The following TTYH2 variants were observed in gnomAD, a reference collection of about 807,000 sequenced individuals.
TTYH2 encodes the protein protein tweety homolog 2.
Under a neutral mutation model 68.3 loss-of-function variants are expected in TTYH2, and 49 were observed. The ratio of observed to expected loss-of-function variants is 0.72; its 90% confidence interval spans 0.57 to 0.91. The LOEUF is 0.91. Among genes scored for constraint, TTYH2 ranks in the 40% least tolerant of loss-of-function variants. TTYH2 has a pLI of 0.00. For missense variants in TTYH2, 631 were observed against 700.4 expected (o/e 0.90, Z 1.12); for synonymous variants, 272 against 300.8 (o/e 0.90, Z 0.99).
At chr17:74,260,009 C>A in intron 13 of TTYH2, 120 bp from the exon 14 acceptor site, 1 of 818,818 alleles carries the variant, frequency 1.2e-6, no homozygotes, top group South Asian at 1.4e-5. Flanking sequence ...GGGGTGGAGG[C>A]ACGGCCGGGT....
intron 2 of TTYH2, among the ~76,000 whole-genome samples, chr17:74,226,551 A>G (rs2050332231): frequency 6.6e-6 from 1 of 152,092 alleles, no homozygotes. Flanking sequence ...GGTGTGAGTT[A>G]TGGGAGGGGC....
At chr17:74,230,785 CAGGCA>C (rs2050380149) in intron 2 of TTYH2, 98 bp from the exon 3 acceptor site, 4 of 1,140,878 alleles carry the variant, frequency 3.5e-6, no homozygotes, top group Non-Finnish European at 3.7e-6. Flanking sequence ...GCTGGGATTA[CAGGCA>C]TGAGCCACCG....
chr17:74,238,466 A>G (rs991749520), intron 4 of TTYH2, among the ~76,000 whole-genome samples: 1 of 151,904 alleles, frequency 6.6e-6, no homozygotes, highest in Non-Finnish European at 1.5e-5. Context: ...TGGTGTGATC[A>G]TGGCTCATTG....
chr17:74,241,296 T>TGTGTGTGTGTGCGC lies in TTYH2; in HGVS notation c.636-2077_636-2076insTGTGTGTGTGCGCG, dbSNP rs59096145. ...GTGTGTGTGTGTGTGTGTGTGTGTGTGCGTGTAAAAATAAGAATGTGATCC... is the reference window on the plus strand; with the variant it reads ...GTGTGTGTGTGTGTGTGTGTGTGTGTGTGTGTGTGTGCGCGCGTGTAAAAATAAGAATGTGATCC... On this transcript the variant is annotated intron_variant, in intron 4 of 13. Coordinates refer to ENST00000269346, the MANE Select transcript of TTYH2 (RefSeq NM_032646.6). This position sits in a 1 kb window ranked among gnomAD's most constrained non-coding sequence, Gnocchi z 4.1. Among the ~76,000 whole-genome samples the TGTGTGTGTGTGCGC allele has an allele frequency of 1.6e-4, 24 of 146,370 alleles. No homozygotes were observed. The highest frequency in any genetic ancestry group is 5.8e-4 in the African/African-American group (23 of 39,768).
rs554723426 is a variant in TTYH2, at chr17:74,258,334, C to T, written c.1525-1795C>T. On this transcript the variant is annotated intron_variant, in intron 13 of 13. Transcript: ENST00000269346. ...AGGCTGGAGTGCAGTGGCATAATCT[C>T]GGCTCACTGCAACCTCCGCTCCCCA... Among the ~76,000 whole-genome samples, 21 of 151,762 alleles carry T rather than the reference C, an allele frequency of 1.4e-4. 1 individual carries two copies. In the South Asian group the frequency reaches 3.8e-3, roughly 27 times the overall value.
At position 74,260,806 on chromosome 17, in the gene TTYH2, G is replaced by C. The variant is rs2050742600; in HGVS notation, c.*597G>C. Reference sequence around the variant, plus strand: ...GCCACAGAGGGGAGGCATCAGGAAAGCTCTGCAGTGGGGGGCTGGTGGCTC... The same window carrying C: ...GCCACAGAGGGGAGGCATCAGGAAACCTCTGCAGTGGGGGGCTGGTGGCTC... On this transcript the variant is annotated 3_prime_UTR_variant, in exon 14 of 14. Coordinates refer to ENST00000269346, the MANE Select transcript of TTYH2 (RefSeq NM_032646.6). The C allele has an allele frequency of 6.5e-6, 1 of 154,388 alleles. No individual in the cohort carries two copies. 9.6% of individuals were successfully genotyped at this position (154,388 alleles called of 1,614,324 possible).
intron 1 of TTYH2, among the ~76,000 whole-genome samples, chr17:74,221,843 G>T (rs747214687): frequency 1.3e-5 from 2 of 152,058 alleles, no homozygotes; most frequent in Non-Finnish European, 2.9e-5. Flanking sequence ...TGACTATCCC[G>T]CCCCCTCACA....
At chr17:74,243,942 C>T in intron 5 of TTYH2, 35 bp from the exon 6 acceptor site, 1 of 1,604,032 alleles carries the variant, frequency 6.2e-7, no homozygotes. Context: ...GAAGGGGACC[C>T]CGCCTGCCAA....
rs150760865 is a variant in TTYH2, at chr17:74,239,749, G to A, written c.635+2235G>A. Among the ~76,000 whole-genome samples, 1,471 of 152,312 alleles carry A rather than the reference G, an allele frequency of 9.7e-3. 12 individuals carry two copies. The highest frequency in any genetic ancestry group is 0.015 in the Non-Finnish European group (1,031 of 68,032). On this transcript the variant is annotated intron_variant, in intron 4 of 13. Coordinates refer to ENST00000269346, the MANE Select transcript of TTYH2 (RefSeq NM_032646.6). The surrounding 1 kb of genome is among the most constrained non-coding windows in gnomAD (Gnocchi z 5.3). ...CAGATGGATGCTCATGGGCAAAAGAGCCTCCCTCCCAAGGGACAGAAGGAA... is the reference window on the plus strand; with the variant it reads ...CAGATGGATGCTCATGGGCAAAAGAACCTCCCTCCCAAGGGACAGAAGGAA...
chr17:74,222,484 G>T lies in TTYH2; in HGVS notation c.130-1G>T. The stretch of plus-strand genomic sequence containing the variant: ...GACAACAGGCCTCTGCTCTCTTCCA[G>T]TCGCTGCTGTTCCTGGGGCTGGTGG... On this transcript the variant is annotated splice_acceptor_variant, in intron 1 of 13. Transcript: ENST00000269346. LOFTEE classifies it high-confidence loss of function. The surrounding 1 kb of genome is among the most constrained non-coding windows in gnomAD (Gnocchi z 5.2). 1 of 1,607,892 alleles carries T rather than the reference G, an allele frequency of 6.2e-7. No homozygotes were observed.
chr17:74,231,746 T>C (rs1393334257), intron 3 of TTYH2, among the ~76,000 whole-genome samples: 1 of 151,930 alleles, frequency 6.6e-6, no homozygotes, highest in Admixed American at 6.6e-5. Context: ...CCCCAGCTCC[T>C]CGGAGCTCTG....
chr17:74,249,239 TG>T (rs1444771519), intron 7 of TTYH2, 104 bp from the exon 8 acceptor site: 1 of 1,565,290 alleles, frequency 6.4e-7, no homozygotes, highest in Admixed American at 1.7e-5. Context: ...GTGCCTCCCT[TG>T]GGAGCTCAGG....
In TTYH2 at chr17:74,214,907, A is replaced by G. The variant is rs1297739999; in HGVS notation, c.129+1191A>G. 6.6e-6 allele frequency among the ~76,000 whole-genome samples: 1 copy of G among 152,150 alleles called. No individual in the cohort carries two copies. The highest frequency in any genetic ancestry group is 1.5e-5 in the Non-Finnish European group (1 of 68,024). ...AGCGCCAGTGACAGGGAGTCTAATA[A>G]TAACCCCTGACGACCCGGCTGCCAT... On this transcript the variant is annotated intron_variant, in intron 1 of 13. Transcript: ENST00000269346. This position sits in a 1 kb window ranked among gnomAD's most constrained non-coding sequence, Gnocchi z 4.6.
At chr17:74,253,732 G>A (rs768139187) in intron 12 of TTYH2, 23 bp from the exon 13 acceptor site, 3 of 1,613,162 alleles carry the variant, frequency 1.9e-6, no homozygotes, top group South Asian at 2.2e-5. Context: ...ATCCCCTCCT[G>A]AGCTCTCCTC....
chr17:74,243,748 C>T (rs961120932), intron 5 of TTYH2, among the ~76,000 whole-genome samples: 4 of 152,218 alleles, frequency 2.6e-5, no homozygotes, highest in African/African-American at 4.8e-5. Context: ...AGCCTCTGGC[C>T]GTCTTAGCCA....
rs904901511 is a variant in TTYH2, at chr17:74,261,863, G to C, written c.*1654G>C. 1.3e-5 allele frequency: 2 copies of C among 152,394 alleles called. No individual in the cohort carries two copies. The highest frequency in any genetic ancestry group is 2.9e-5 in the Non-Finnish European group (2 of 68,032). 9.4% of individuals were successfully genotyped at this position (152,394 alleles called of 1,614,324 possible). Reference sequence around the variant, plus strand: ...AGGAACTCTGCGACGTCAAAGTGTTGCTTCTTAAAGTTTCATTATTGGCAA... The same window carrying C: ...AGGAACTCTGCGACGTCAAAGTGTTCCTTCTTAAAGTTTCATTATTGGCAA... On this transcript the variant is annotated 3_prime_UTR_variant, in exon 14 of 14. Transcript: ENST00000269346.
intron 4 of TTYH2, 30 bp downstream of exon 4, chr17:74,237,544 G>A (rs756778495): frequency 6.4e-6 from 10 of 1,568,022 alleles, no homozygotes; most frequent in Admixed American, 3.4e-5. Context: ...CAGAGGGAGG[G>A]GCAGCAGCGG....
At chr17:74,233,074 C>G in intron 3 of TTYH2, among the ~76,000 whole-genome samples, 1 of 152,238 alleles carries the variant, frequency 6.6e-6, no homozygotes, top group East Asian at 1.9e-4. Flanking sequence ...CCCTCGTCCT[C>G]TCCGTTGTTA....
At chr17:74,249,110 GGAT>G in intron 7 of TTYH2, 30 bp downstream of exon 7, 1 of 1,613,654 alleles carries the variant, frequency 6.2e-7, no homozygotes, top group Non-Finnish European at 8.5e-7. Context: ...CTGCTGCTGT[GGAT>G]GCATAGGTGG....
Sources: gnomAD v4.1 joint callset for allele counts (sites outside exome capture counted in the v4.1 genomes callset) on GRCh38, gnomAD v4.1.1 for gene constraint, Gnocchi (gnomAD v3.1) non-coding constraint, MANE v1.5 for transcripts, NCBI Gene and HGNC (gene_info 2026-07-23, HGNC 2026-07-21) for gene names.